The following NUCB2 variants were observed in gnomAD, a reference collection of about 807,000 sequenced individuals.
The protein encoded by NUCB2 is nucleobindin-2.
Under a neutral mutation model 57.9 loss-of-function variants are expected in NUCB2, and 48 were observed. That is an observed-to-expected ratio of 0.83 (90% CI 0.66 to 1.05). The LOEUF (loss-of-function observed/expected upper bound fraction) is 1.05, where lower values mean the gene tolerates loss of function less well. Among genes scored for constraint, NUCB2 ranks in the 50% least tolerant of loss-of-function variants. The probability of loss-of-function intolerance (pLI) is 0.00; values close to 1 mark genes in which losing one functional copy is unlikely to be tolerated. For missense variants in NUCB2, 442 were observed against 476.2 expected, an observed-to-expected ratio of 0.93 and a Z score of 0.67; for synonymous variants, 139 against 152.1, an observed-to-expected ratio of 0.91 and a Z score of 0.64.
chr11:17,324,488 C>A (rs866141123), intron 11 of NUCB2, among the ~76,000 whole-genome samples: 49 of 152,184 alleles, frequency 3.2e-4, no homozygotes, highest in African/African-American at 1.1e-3. Context: ...GGCTAGAGGG[C>A]AGTGGCACTA....
rs111938370 is a variant in NUCB2 at position 17,304,197 on chromosome 11, AT to A, written c.379+2340del. Among the ~76,000 whole-genome samples the A allele has an allele frequency of 6.7e-3, 981 of 146,122 alleles. 8 individuals carry two copies. Among genetic ancestry groups the A allele is most frequent in the African/African-American group, 0.02 (785 of 40,172 alleles). On this transcript the variant is annotated intron_variant, in intron 5 of 13. Transcript: ENST00000529010. ...TTTAATTTTTAAATTTTTAATTTTA[AT>A]TTTTTTTTTTTTGAGACCGAGTCTC...
At chr11:17,289,177 T>C (rs1944513860) in intron 2 of NUCB2, among the ~76,000 whole-genome samples, 1 of 151,844 alleles carries the variant, frequency 6.6e-6, no homozygotes, top group Non-Finnish European at 1.5e-5. Flanking sequence ...AGGTTGGTCT[T>C]GAACTCCTAA....
rs138110076 is a variant in NUCB2, at chr11:17,286,482, G to A, written c.-1+3539G>A. Among the ~76,000 whole-genome samples the A allele has an allele frequency of 2.6e-5, 4 of 152,298 alleles. No homozygotes were observed. In the East Asian group the frequency reaches 7.7e-4, roughly 29 times the overall value. ...TTGTAATTTTACCAGAGGCTCTGAT[G>A]CCTTTGGGGTCAGTGCCTCCCATTC... On this transcript the variant is annotated intron_variant, in intron 2 of 13. Coordinates refer to ENST00000529010, the MANE Select transcript of NUCB2 (RefSeq NM_005013.4).
chr11:17,298,695 C>T (rs931923627), intron 4 of NUCB2, among the ~76,000 whole-genome samples: 1 of 151,626 alleles, frequency 6.6e-6, no homozygotes, highest in African/African-American at 2.4e-5. Context: ...AGAATTTTCT[C>T]TTTCCTTTTT....
At chr11:17,306,529 T>C (rs1324638885) in intron 5 of NUCB2, among the ~76,000 whole-genome samples, 1 of 152,182 alleles carries the variant, frequency 6.6e-6, no homozygotes, top group Non-Finnish European at 1.5e-5. Flanking sequence ...GCCTAAGATG[T>C]GTGGAGATTT....
rs374203206 is a variant in NUCB2 at position 17,301,784 on chromosome 11, A to G, written c.293A>G (p.His98Arg). ...LSKELDLVSH[H>R]VRTKLDELKR... ...AAAGAACTGGATTTAGTAAGTCACC[A>G]TGTGAGGACAAAACTTGATGAACTG... Residue 98 changes from histidine to arginine, a missense_variant, in exon 5 of 14, where the codon CAT (histidine) becomes CGT (arginine). Transcript: ENST00000529010. 100 of 1,610,216 alleles carry G rather than the reference A, an allele frequency of 6.2e-5. No homozygotes were observed. The South Asian group carries it at 1.0e-3, about 17-fold the overall frequency.
chr11:17,342,642 C>G (rs1449696121), intron 2 of NUCB2, among the ~76,000 whole-genome samples: 1 of 149,892 alleles, frequency 6.7e-6, no homozygotes, highest in Non-Finnish European at 1.5e-5. Context: ...ATTCTTAATC[C>G]TGAGTTCTAG....
At chr11:17,341,809 A>G (rs1952292643) in intron 2 of NUCB2, among the ~76,000 whole-genome samples, 1 of 152,204 alleles carries the variant, frequency 6.6e-6, no homozygotes, top group African/African-American at 2.4e-5. Context: ...AGGCTTTGCT[A>G]TCAGGATGAT....
chr11:17,301,894 ATT>A, intron 5 of NUCB2, 24 bp downstream of exon 5: 1 of 1,527,482 alleles, frequency 6.5e-7, no homozygotes, highest in Non-Finnish European at 8.9e-7. Flanking sequence ...AAAAGGTAGG[ATT>A]TTTTTTTTCT....
chr11:17,279,845 A>G (rs1262564161), intron 1 of NUCB2, among the ~76,000 whole-genome samples: 1 of 141,982 alleles, frequency 7.0e-6, no homozygotes, highest in South Asian at 2.2e-4. Context: ...ACTGGAGTAC[A>G]GTGGTGTGAT....
chr11:17,312,204 A>G, intron 10 of NUCB2, 84 bp downstream of exon 10: 1 of 792,276 alleles, frequency 1.3e-6, no homozygotes, highest in Non-Finnish European at 2.0e-6. Context: ...GAAAATATAC[A>G]GAATTTGTAT....
intron 1 of NUCB2, among the ~76,000 whole-genome samples, chr11:17,282,258 A>ATTTTTT (rs71047540): frequency 1.9e-5 from 2 of 103,482 alleles, no homozygotes; most frequent in South Asian, 3.3e-4. Context: ...ATATATATAT[A>ATTTTTT]TTTTTTTTTT....
At chr11:17,331,354 A>G (rs72863694) in intron 13 of NUCB2, 58 bp from the exon 14 acceptor site, 12,106 of 1,004,276 alleles carry the variant, frequency 0.012, 113 homozygotes, top group South Asian at 0.029. Context: ...ATATGAAGGA[A>G]CATTTAGAAT....
chr11:17,301,045 G>A (rs1261873971), intron 4 of NUCB2, among the ~76,000 whole-genome samples: 4 of 142,080 alleles, frequency 2.8e-5, no homozygotes, highest in Admixed American at 7.4e-5. Context: ...TGATCTTGGC[G>A]CACTGCAACC....
At chr11:17,315,895 C>T (rs1949173337) in intron 11 of NUCB2, among the ~76,000 whole-genome samples, 1 of 136,462 alleles carries the variant, frequency 7.3e-6, no homozygotes, top group African/African-American at 2.5e-5. Flanking sequence ...AGTATGTAAA[C>T]AATGTATTGT....
intron 2 of NUCB2, among the ~76,000 whole-genome samples, chr11:17,288,630 C>T (rs1033423209): frequency 3.6e-5 from 5 of 140,174 alleles, no homozygotes; most frequent in African/African-American, 1.3e-4. Context: ...CTCACTGCAA[C>T]TGCAACCTCT....
intron 1 of NUCB2, among the ~76,000 whole-genome samples, chr11:17,281,086 A>G (rs1178953691): frequency 6.6e-6 from 1 of 152,160 alleles, no homozygotes; most frequent in African/African-American, 2.4e-5. Context: ...GTTGTATGTC[A>G]AACTGGTCTT....
chr11:17,311,169 C>A (rs759735325), intron 7 of NUCB2, 24 bp from the exon 8 acceptor site: 2 of 1,562,334 alleles, frequency 1.3e-6, no homozygotes, highest in Non-Finnish European at 1.7e-6. Flanking sequence ...TTGTTTTGAG[C>A]AATTTTTTAA....
chr11:17,287,773 A>G (rs943261265), intron 2 of NUCB2, among the ~76,000 whole-genome samples: 1 of 151,946 alleles, frequency 6.6e-6, no homozygotes, highest in African/African-American at 2.4e-5. Flanking sequence ...GCCAAGTTGC[A>G]TGGATCACTT....
Sources: allele counts gnomAD v4.1 joint callset (sites outside exome capture counted in the v4.1 genomes callset), GRCh38; gene constraint gnomAD v4.1.1; transcripts MANE v1.5; gene names NCBI Gene and HGNC (gene_info 2026-07-23, HGNC 2026-07-21).